Variants in CTNNA3 observed in about 807,000 individuals in gnomAD.
The protein encoded by CTNNA3 is catenin alpha-3.
CTNNA3 carries 76 observed loss-of-function variants against 95.7 expected under a neutral mutation model. The ratio of observed to expected loss-of-function variants is 0.79; its 90% CI spans 0.66 to 0.96. The LOEUF (loss-of-function observed/expected upper bound fraction) is 0.96. CTNNA3 is among the 40% of genes least tolerant of loss of function. The pLI is 0.00. For synonymous variants in CTNNA3, 431 were observed against 374.4 expected (o/e 1.15, Z -1.74); for missense variants, 1,191 against 1,089.8 (o/e 1.09, Z -1.31).
rs60337180 is a variant in CTNNA3 at position 66,177,277 on chromosome 10, T to G, written c.1885-74028A>C. On this transcript the variant is annotated intron_variant, in intron 13 of 17. Coordinates refer to ENST00000433211, the MANE Select transcript of CTNNA3 (RefSeq NM_013266.4). Reference sequence around the variant, plus strand: ...AGAAATCAATATAAAATTTTCCAAATTTCCTGGATTTTAAGGTTAGAAGCA... The same window carrying G: ...AGAAATCAATATAAAATTTTCCAAAGTTCCTGGATTTTAAGGTTAGAAGCA... 9.3e-3 allele frequency among the ~76,000 whole-genome samples: 1,418 copies of G among 152,122 alleles called. 30 individuals carry two copies. Among genetic ancestry groups the G allele is most frequent in the African/African-American group, 0.032 (1,341 of 41,524 alleles).
intron 9 of CTNNA3, among the ~76,000 whole-genome samples, chr10:66,753,714 T>C (rs1839256856): frequency 6.6e-6 from 1 of 151,162 alleles, no homozygotes; most frequent in South Asian, 2.1e-4. Flanking sequence ...AATAACAAAT[T>C]ATATTTCAAT....
chr10:67,057,717 T>C (rs1288456480), intron 7 of CTNNA3, among the ~76,000 whole-genome samples: 2 of 152,106 alleles, frequency 1.3e-5, no homozygotes, highest in African/African-American at 2.4e-5. Flanking sequence ...CTGATCACCA[T>C]TTTACCACCA....
intron 2 of CTNNA3, among the ~76,000 whole-genome samples, chr10:67,612,151 C>A (rs1255250011): frequency 2.0e-5 from 3 of 152,040 alleles, no homozygotes; most frequent in Admixed American, 1.3e-4. Flanking sequence ...ACATTCAACA[C>A]CCCCCCAAAC....
chr10:66,378,963 T>A (rs1036297240), intron 12 of CTNNA3, among the ~76,000 whole-genome samples, 189 bp downstream of exon 12: 5 of 152,222 alleles, frequency 3.3e-5, no homozygotes, highest in African/African-American at 1.2e-4. Context: ...AGACCTCTTT[T>A]TACCAATGAA....
chr10:67,045,269 AAC>A (rs1289677434), intron 7 of CTNNA3, among the ~76,000 whole-genome samples: 2 of 152,210 alleles, frequency 1.3e-5, no homozygotes, highest in Non-Finnish European at 1.5e-5. Context: ...GTAGAGTATA[AAC>A]ACAGATAAGA....
At chr10:66,078,684 G>T (rs2080628322) in intron 14 of CTNNA3, among the ~76,000 whole-genome samples, 1 of 151,800 alleles carries the variant, frequency 6.6e-6, no homozygotes, top group African/African-American at 2.4e-5. Context: ...ATATTGCAAA[G>T]ATTTACACTA....
intron 5 of CTNNA3, among the ~76,000 whole-genome samples, chr10:67,259,911 T>G (rs1866526120): frequency 6.6e-6 from 1 of 152,192 alleles, no homozygotes; most frequent in Admixed American, 6.6e-5. Flanking sequence ...TCTACTGTTC[T>G]GCCTAGGGCA....
intron 11 of CTNNA3, among the ~76,000 whole-genome samples, chr10:66,445,176 T>A (rs1048413148): frequency 2.1e-5 from 3 of 146,318 alleles, no homozygotes; most frequent in African/African-American, 7.8e-5. Flanking sequence ...ATAAAGCAAG[T>A]CCTTAGTGAC....
At chr10:67,194,326 G>C (rs1245133750) in intron 6 of CTNNA3, among the ~76,000 whole-genome samples, 1 of 151,968 alleles carries the variant, frequency 6.6e-6, no homozygotes, top group Admixed American at 6.6e-5. Flanking sequence ...AGGTCCTTTA[G>C]TAGGTAAATG....
At chr10:66,566,915 A>C (rs1842723673) in intron 10 of CTNNA3, among the ~76,000 whole-genome samples, 1 of 150,740 alleles carries the variant, frequency 6.6e-6, no homozygotes, top group Non-Finnish European at 1.5e-5. Flanking sequence ...AGGGAGAGAA[A>C]AAGAGAGGTG....
intron 15 of CTNNA3, among the ~76,000 whole-genome samples, chr10:66,063,439 C>T (rs932311509): frequency 2.0e-5 from 3 of 151,100 alleles, no homozygotes; most frequent in Non-Finnish European, 1.5e-5. Flanking sequence ...TGGCATTACC[C>T]CACAAATAGA....
chr10:67,733,838 ATTTG>A (rs1237116300), intron 1 of CTNNA3, among the ~76,000 whole-genome samples: 1 of 152,142 alleles, frequency 6.6e-6, no homozygotes, highest in East Asian at 1.9e-4. Context: ...CAGACCCTAA[ATTTG>A]GCTGTGGCTT....
At chr10:67,145,430 T>G (rs1364602411) in intron 7 of CTNNA3, among the ~76,000 whole-genome samples, 3 of 114,332 alleles carry the variant, frequency 2.6e-5, no homozygotes, top group Non-Finnish European at 5.4e-5. Context: ...TTTTTAAATT[T>G]TTTTAGTTTT....
At chr10:66,403,986 T>C (rs2093038734) in intron 11 of CTNNA3, among the ~76,000 whole-genome samples, 1 of 152,170 alleles carries the variant, frequency 6.6e-6, no homozygotes, top group Non-Finnish European at 1.5e-5. Context: ...ATTTCTAAAA[T>C]CGCTTACTGA....
chr10:67,125,838 T>C (rs1335389494), intron 7 of CTNNA3, among the ~76,000 whole-genome samples: 1 of 152,192 alleles, frequency 6.6e-6, no homozygotes, highest in African/African-American at 2.4e-5. Flanking sequence ...AGGTATGTCT[T>C]GTCATATATC....
chr10:66,216,483 G>A (rs1349575864), intron 13 of CTNNA3, among the ~76,000 whole-genome samples: 1 of 152,118 alleles, frequency 6.6e-6, no homozygotes, highest in African/African-American at 2.4e-5. Flanking sequence ...TTAGACTTTG[G>A]GGATAAATTT....
At chr10:67,239,887 T>C (rs560511109) in intron 5 of CTNNA3, among the ~76,000 whole-genome samples, 25 of 152,162 alleles carry the variant, frequency 1.6e-4, no homozygotes, top group African/African-American at 5.8e-4. Context: ...AAGTCTGAAA[T>C]ATAAAAATAA....
intron 7 of CTNNA3, among the ~76,000 whole-genome samples, chr10:67,151,341 A>C (rs1024883482): frequency 1.3e-5 from 2 of 151,970 alleles, no homozygotes; most frequent in Non-Finnish European, 1.5e-5. Flanking sequence ...GTGAATAAAA[A>C]AAAATAAGGT....
At chr10:66,570,688 G>GT (rs1842844871) in intron 10 of CTNNA3, among the ~76,000 whole-genome samples, 1 of 143,980 alleles carries the variant, frequency 6.9e-6, no homozygotes, top group African/African-American at 2.6e-5. Context: ...TGGAGCAAAA[G>GT]TAAAAAAAAA....
Sources: allele counts gnomAD v4.1 joint callset (sites outside exome capture counted in the v4.1 genomes callset), GRCh38; gene constraint gnomAD v4.1.1; transcripts MANE v1.5; gene names NCBI Gene and HGNC (gene_info 2026-07-23, HGNC 2026-07-21).